The following PPP1R13B variants were observed in gnomAD, a reference collection of about 807,000 sequenced individuals.
PPP1R13B encodes the protein apoptosis-stimulating of p53 protein 1.
A neutral mutation model predicts 119.8 loss-of-function variants in PPP1R13B; 44 were observed. That is an observed-to-expected ratio of 0.37 (90% CI 0.29 to 0.47). The LOEUF (loss-of-function observed/expected upper bound fraction) is 0.47, where lower values mean the gene tolerates loss of function less well. Among genes scored for constraint, PPP1R13B ranks in the 20% least tolerant of loss-of-function variants. The probability of loss-of-function intolerance (pLI) is 0.99; values close to 1 mark genes in which losing one functional copy is unlikely to be tolerated. For synonymous variants in PPP1R13B, 542 were observed against 561.5 expected, an observed-to-expected ratio of 0.97 and a Z score of 0.49; for missense variants, 1,227 against 1,413.5, an observed-to-expected ratio of 0.87 and a Z score of 2.12.
At chr14:103,808,427 C>A (rs939857638) in intron 1 of PPP1R13B, among the ~76,000 whole-genome samples, 1 of 152,102 alleles carries the variant, frequency 6.6e-6, no homozygotes, top group Admixed American at 6.5e-5. Flanking sequence ...TACACTAACA[C>A]TAATGATAGC....
At chr14:103,795,564 AT>A (rs1342554253) in intron 2 of PPP1R13B, among the ~76,000 whole-genome samples, 1 of 152,222 alleles carries the variant, frequency 6.6e-6, no homozygotes, top group Non-Finnish European at 1.5e-5. Context: ...ATTTAGGGCT[AT>A]AATACTCGTG....
intron 2 of PPP1R13B, among the ~76,000 whole-genome samples, chr14:103,786,291 C>T (rs531897040): frequency 4.5e-4 from 68 of 152,288 alleles, no homozygotes; most frequent in South Asian, 1.5e-3. Flanking sequence ...ATCTGCCTGC[C>T]TCAGCCTCCC....
At chr14:103,797,078 A>AC (rs2085776807) in intron 2 of PPP1R13B, among the ~76,000 whole-genome samples, 1 of 150,882 alleles carries the variant, frequency 6.6e-6, no homozygotes, top group African/African-American at 2.4e-5. Context: ...GGCCTGGGAG[A>AC]CAGAGTGAGA....
intron 1 of PPP1R13B, among the ~76,000 whole-genome samples, chr14:103,829,567 AT>A (rs1431062350): frequency 6.6e-6 from 1 of 152,056 alleles, no homozygotes; most frequent in Non-Finnish European, 1.5e-5. Flanking sequence ...CCAGCCTGAC[AT>A]TTTAAAGATA....
In PPP1R13B at chr14:103,742,138, C is replaced by T. The variant is rs373068054; in HGVS notation, c.1474G>A (p.Ala492Thr). Residue 492 changes from alanine (A) to threonine (T), a missense_variant, in exon 11 of 17, where the codon GCA becomes ACA. Ala to Thr is a moderately conservative substitution (Grantham distance 58, BLOSUM62 0). Coordinates refer to ENST00000202556, the MANE Select transcript of PPP1R13B (RefSeq NM_015316.3). This position sits in a 1 kb window ranked among gnomAD's most constrained non-coding sequence, Gnocchi z 4.9. ...GGCCTCTGTCGACTTGGCAGGCCTG[C>T]ACTGGGCCTGGGCAAGCTGCCTTCC... is the stretch of plus-strand genomic sequence containing the variant. The part of the protein sequence containing the change: ...RKEGSLPRPS[A>T]GLPSRQRPTL... 99 of 1,612,144 alleles carry T rather than the reference C, an allele frequency of 6.1e-5. No individual in the cohort carries two copies. Among genetic ancestry groups the T allele is most frequent in the Non-Finnish European group, 7.8e-5 (92 of 1,180,026 alleles).
intron 4 of PPP1R13B, among the ~76,000 whole-genome samples, chr14:103,770,290 G>A (rs139783640): frequency 2.6e-5 from 4 of 152,218 alleles, no homozygotes; most frequent in African/African-American, 9.6e-5. Flanking sequence ...GAGGCAGGAG[G>A]ATCACTCGAG....
intron 5 of PPP1R13B, among the ~76,000 whole-genome samples, chr14:103,755,696 ATATC>A (rs1269320173): frequency 2.0e-5 from 3 of 152,226 alleles, no homozygotes; most frequent in Admixed American, 6.5e-5. Context: ...ATTACTGAAA[ATATC>A]TATAACTATT....
intron 1 of PPP1R13B, among the ~76,000 whole-genome samples, chr14:103,806,170 C>A (rs1433082542): frequency 6.6e-6 from 1 of 152,180 alleles, no homozygotes; most frequent in Non-Finnish European, 1.5e-5. Flanking sequence ...ACTGCTGCAA[C>A]TGGCTGGGGA....
In PPP1R13B at chr14:103,735,154, TC is replaced by T; in HGVS notation, c.3272del (p.Ter1091=). 6.2e-7 allele frequency: 1 copy of T among 1,614,114 alleles called. No individual in the cohort carries two copies. The highest frequency in any genetic ancestry group is 1.6e-4 in the Middle Eastern group (1 of 6,062). On this transcript the variant is annotated frameshift_variant and stop_lost, in exon 17 of 17. Transcript: ENST00000202556. LOFTEE classifies it high-confidence loss of function. Reference sequence around the variant, plus strand: ...ACCATGCGGTGCTCCAAAAGGAAGTTCAGGCGAGTGTTCGCTGTCGGGGTTT... The same window carrying T: ...ACCATGCGGTGCTCCAAAAGGAAGTTAGGCGAGTGTTCGCTGTCGGGGTTT... ...RIKPRQRTLA* is the reference protein window; with the variant it reads ...RIKPRQRTLAX
At chr14:103,798,295 G>A (rs931833876) in intron 1 of PPP1R13B, among the ~76,000 whole-genome samples, 1 of 151,766 alleles carries the variant, frequency 6.6e-6, no homozygotes, top group Non-Finnish European at 1.5e-5. Context: ...GGGACTACAG[G>A]CGCCCGCCAC....
At chr14:103,757,619 C>G (rs916665564) in intron 5 of PPP1R13B, 31 bp downstream of exon 5, 1 of 1,594,618 alleles carries the variant, frequency 6.3e-7, no homozygotes, top group African/African-American at 1.3e-5. Flanking sequence ...ACTTTTTGAA[C>G]AATGTTTCAA....
At chr14:103,835,337 C>T (rs960150151) in intron 1 of PPP1R13B, among the ~76,000 whole-genome samples, 1 of 151,718 alleles carries the variant, frequency 6.6e-6, no homozygotes, top group African/African-American at 2.4e-5. Flanking sequence ...GATGGCCAAG[C>T]TGGTGTTAAA....
At chr14:103,793,112 A>G (rs1595780905) in intron 2 of PPP1R13B, among the ~76,000 whole-genome samples, 1 of 68,776 alleles carries the variant, frequency 1.5e-5, no homozygotes, top group African/African-American at 5.9e-5. Flanking sequence ...AGGGAAGGGG[A>G]GGGAAGGCAA....
At position 103,784,901 on chromosome 14, in the gene PPP1R13B, G is replaced by A. The variant is rs762142324; in HGVS notation, c.171C>T (p.Pro57=). Residue 57 remains proline (P), a synonymous_variant, in exon 3 of 17, where the codon CCC becomes CCT. Transcript: ENST00000202556. ...GATGTTCGTACATCATATGATCAAAGGGTATGGGACGTTCTAGGAAAAAGA... is the reference window on the plus strand; with the variant it reads ...GATGTTCGTACATCATATGATCAAAAGGTATGGGACGTTCTAGGAAAAAGA... ...EVWRGNERPI[P]FDHMMYEHLQ... is the part of the protein sequence containing the mutation. The A allele has an allele frequency of 1.9e-6, 3 of 1,588,770 alleles. No homozygotes were observed. The highest frequency in any genetic ancestry group is 3.4e-5 in the Admixed American group (2 of 59,552).
intron 1 of PPP1R13B, among the ~76,000 whole-genome samples, chr14:103,815,601 C>T (rs947874335): frequency 2.0e-5 from 3 of 151,648 alleles, no homozygotes; most frequent in Non-Finnish European, 2.9e-5. Flanking sequence ...ACTAAAAATA[C>T]AAAAATTATC....
chr14:103,755,318 A>G (rs1201331430), intron 5 of PPP1R13B, among the ~76,000 whole-genome samples: 2 of 152,234 alleles, frequency 1.3e-5, no homozygotes, highest in Admixed American at 6.5e-5. Context: ...AGAATTTTAC[A>G]CTGAAAAGAG....
chr14:103,736,565 GAACA>G (rs2084119247), intron 15 of PPP1R13B: 2 of 277,256 alleles, frequency 7.2e-6, no homozygotes, highest in Non-Finnish European at 1.4e-5. Flanking sequence ...GGATGGTAAT[GAACA>G]AACTACACAC....
In PPP1R13B at chr14:103,737,797, A is replaced by G; in HGVS notation, c.2928T>C (p.Ser976=). 1 of 1,613,996 alleles carries G rather than the reference A, an allele frequency of 6.2e-7. No individual in the cohort carries two copies. Among genetic ancestry groups the G allele is most frequent in the South Asian group, 1.1e-5 (1 of 91,076 alleles). The part of the protein sequence containing the change: ...SVHLCKQLVE[S]GAAIFASTIS... ...TGGTTGAGGCAAAAATGGCGGCACC[A>G]CTCTCCACCAGCTGTTTGCAGAGGT... Residue 976 remains serine, a synonymous_variant, in exon 15 of 17, where the codon AGT becomes AGC. Coordinates refer to ENST00000202556, the MANE Select transcript of PPP1R13B (RefSeq NM_015316.3).
chr14:103,810,111 A>T (rs2086115118), intron 1 of PPP1R13B, among the ~76,000 whole-genome samples: 1 of 150,990 alleles, frequency 6.6e-6, no homozygotes, highest in South Asian at 2.1e-4. Flanking sequence ...AGTGTGAGCC[A>T]CCGCGCCCAG....
Sources: allele counts gnomAD v4.1 joint callset (sites outside exome capture counted in the v4.1 genomes callset), GRCh38; gene constraint gnomAD v4.1.1; non-coding constraint Gnocchi (gnomAD v3.1); transcripts MANE v1.5; gene names NCBI Gene and HGNC (gene_info 2026-07-23, HGNC 2026-07-21).